The following NPLOC4 variants were observed in gnomAD, a reference collection of about 807,000 sequenced individuals.
NPLOC4 encodes the protein nuclear protein localization protein 4 homolog.
Under a neutral mutation model 80.6 loss-of-function variants are expected in NPLOC4, and 18 were observed. That is an observed-to-expected ratio of 0.22 (90% confidence interval 0.15 to 0.33). The LOEUF (loss-of-function observed/expected upper bound fraction) is 0.33, where lower values mean the gene tolerates loss of function less well. Ranked by LOEUF, NPLOC4 falls within the 10% of genes least tolerant of loss-of-function variation. The probability of loss-of-function intolerance (pLI) is 1.00; values close to 1 mark genes in which losing one functional copy is unlikely to be tolerated. For missense variants in NPLOC4, 540 were observed against 786.1 expected (o/e 0.69, Z 3.74); for synonymous variants, 313 against 301.5 (o/e 1.04, Z -0.39).
intron 1 of NPLOC4, among the ~76,000 whole-genome samples, chr17:81,631,459 T>C (rs1568171144): frequency 1.5e-4 from 10 of 66,984 alleles, no homozygotes; most frequent in South Asian, 6.5e-4. Flanking sequence ...TTTTTTTTTT[T>C]TTTCCCCCAC....
intron 9 of NPLOC4, among the ~76,000 whole-genome samples, chr17:81,598,862 C>T (rs942268933): frequency 1.3e-5 from 2 of 152,200 alleles, no homozygotes; most frequent in African/African-American, 4.8e-5. Flanking sequence ...GGGAGACTTT[C>T]ACTGTCTTTA....
At position 81,588,901 on chromosome 17, in the gene NPLOC4, C is replaced by T. The variant is rs375263256; in HGVS notation, c.1281+43G>A. 389 of 1,571,278 alleles carry T rather than the reference C, an allele frequency of 2.5e-4. 2 individuals carry two copies. The highest frequency in any genetic ancestry group is 2.2e-3 in the South Asian group (191 of 86,368). ...TAGAAAGGTCCAAGACAGGTTCACACCATTCTCCATGTACAGAGTTCTTTT... is the reference window on the plus strand; with the variant it reads ...TAGAAAGGTCCAAGACAGGTTCACATCATTCTCCATGTACAGAGTTCTTTT... On this transcript the variant is annotated intron_variant, in intron 12 of 16. Coordinates refer to ENST00000331134, the MANE Select transcript of NPLOC4 (RefSeq NM_017921.4).
chr17:81,626,193 G>C (rs11869692), intron 2 of NPLOC4, among the ~76,000 whole-genome samples: 1 of 150,898 alleles, frequency 6.6e-6, no homozygotes, highest in Non-Finnish European at 1.5e-5. Flanking sequence ...GCACGTGCCT[G>C]TAATCTCAGT....
Position 81,622,268 on chromosome 17 carries a change from T to G in NPLOC4, c.107A>C (p.Glu36Ala), listed in dbSNP as rs2035690199. ...AATFLKKVAKEFGFQNNGFSV... is the reference protein window; with the variant it reads ...AATFLKKVAKAFGFQNNGFSV... ...GAAGCCATTATTTTGGAAGCCAAAC[T>G]CCTTTGCAACCTAAAACAAGGCCCA... The change falls in exon 3 of 17, where the codon GAG becomes GCG. Residue 36 changes from glutamate to alanine, a missense_variant. Around this residue, in one of 6 missense-constraint regions of NPLOC4, gnomAD observed 62 missense variants for 84.4 expected, o/e 0.73. Transcript: ENST00000331134. 2 of 1,613,094 alleles carry G rather than the reference T, an allele frequency of 1.2e-6. No individual in the cohort carries two copies. Among genetic ancestry groups the G allele is most frequent in the African/African-American group, 1.3e-5 (1 of 74,904 alleles).
intron 1 of NPLOC4, among the ~76,000 whole-genome samples, chr17:81,633,860 C>A (rs140009289): frequency 6.9e-6 from 1 of 145,370 alleles, no homozygotes; most frequent in Non-Finnish European, 1.5e-5. Context: ...CGCCCGCCAC[C>A]GCGCCCAGCT....
At position 81,559,156 on chromosome 17, in the gene NPLOC4, G is replaced by C; in HGVS notation, c.*103C>G. On this transcript the variant is annotated 3_prime_UTR_variant, in exon 17 of 17. Transcript: ENST00000331134. ...GACAGCCAGCCCCTTGTTCCTCCAG[G>C]GCTGCCCACTATGGGGCAGTTACAG... 2 of 1,310,342 alleles carry C rather than the reference G, an allele frequency of 1.5e-6. No homozygotes were observed. The highest frequency in any genetic ancestry group is 1.5e-5 in the South Asian group (1 of 66,566). 81.2% of individuals were successfully genotyped at this position (1,310,342 alleles called of 1,614,324 possible).
chr17:81,563,523 TCACTCCACTG>T, intron 16 of NPLOC4: 1 of 180,238 alleles, frequency 5.5e-6, no homozygotes, highest in South Asian at 9.4e-5. Context: ...TGAGCTATGA[TCACTCCACTG>T]CACTCCAGCC....
chr17:81,586,077 G>A (rs1285112535), intron 12 of NPLOC4, among the ~76,000 whole-genome samples: 1 of 152,164 alleles, frequency 6.6e-6, no homozygotes, highest in Non-Finnish European at 1.5e-5. Context: ...TTGAGATCAG[G>A]AGTTCGAGAC....
chr17:81,602,851 G>T (rs1156351850), intron 8 of NPLOC4, among the ~76,000 whole-genome samples: 1 of 151,724 alleles, frequency 6.6e-6, no homozygotes, highest in African/African-American at 2.4e-5. Context: ...ACAAGCCTGG[G>T]TAACATGGCG....
chr17:81,603,711 T>A (rs1287121262), intron 8 of NPLOC4, among the ~76,000 whole-genome samples: 1 of 152,228 alleles, frequency 6.6e-6, no homozygotes, highest in African/African-American at 2.4e-5. Flanking sequence ...CTATGCACTA[T>A]CTGTCCCTCT....
intron 1 of NPLOC4, among the ~76,000 whole-genome samples, chr17:81,634,383 A>C (rs1394051285): frequency 1.3e-5 from 2 of 152,044 alleles, no homozygotes; most frequent in African/African-American, 4.8e-5. Context: ...TTAATTCCTC[A>C]CAATCTGAGA....
chr17:81,610,198 A>G lies in NPLOC4; in HGVS notation c.435+12T>C. On this transcript the variant is annotated intron_variant, in intron 5 of 16. Coordinates refer to ENST00000331134, the MANE Select transcript of NPLOC4 (RefSeq NM_017921.4). The stretch of plus-strand genomic sequence containing the variant: ...CACACTGGCCCAGAACTTACTCCGC[A>G]GAGACTCTCACCTCTAGAGGGACGC... 6.4e-7 allele frequency: 1 copy of G among 1,568,458 alleles called. No individual in the cohort carries two copies. Among genetic ancestry groups the G allele is most frequent in the South Asian group, 1.2e-5 (1 of 84,840 alleles).
In NPLOC4 at chr17:81,595,018, C is replaced by T. The variant is rs150039814; in HGVS notation, c.1120+1098G>A. On this transcript the variant is annotated intron_variant, in intron 11 of 16. Transcript: ENST00000331134. The stretch of plus-strand genomic sequence containing the variant: ...AATATGCAGCAAAGTGCAAAAACTT[C>T]GCAGTCAGCTTGAACACTTTTCTTT... Among the ~76,000 whole-genome samples, 18 of 151,708 alleles carry T rather than the reference C, an allele frequency of 1.2e-4. 2 individuals carry two copies. The East Asian group carries it at 3.3e-3, about 28-fold the overall frequency.
At chr17:81,602,958 T>TATATAC (rs1242662137) in intron 8 of NPLOC4, among the ~76,000 whole-genome samples, 1 of 141,122 alleles carries the variant, frequency 7.1e-6, no homozygotes, top group African/African-American at 2.7e-5. Flanking sequence ...CACATATATA[T>TATATAC]ACACACATAT....
Position 81,597,320 on chromosome 17 carries a change from A to T in NPLOC4, c.922-4T>A, listed in dbSNP as rs1375547641. ...GGTCTGTAAATATCCAGCCAACCTTAAAAAAAGGAAAGTAGCTTTTAAACA... is the reference window on the plus strand; with the variant it reads ...GGTCTGTAAATATCCAGCCAACCTTTAAAAAAGGAAAGTAGCTTTTAAACA... On this transcript the variant is annotated splice_polypyrimidine_tract_variant and splice_region_variant and intron_variant, in intron 9 of 16. Transcript: ENST00000331134. 2 of 1,609,414 alleles carry T rather than the reference A, an allele frequency of 1.2e-6. No homozygotes were observed. The highest frequency in any genetic ancestry group is 2.7e-5 in the African/African-American group (2 of 74,770).
intron 1 of NPLOC4, among the ~76,000 whole-genome samples, chr17:81,632,635 A>C (rs1291595307): frequency 3.9e-5 from 6 of 151,962 alleles, no homozygotes; most frequent in Admixed American, 3.9e-4. Context: ...CTTTTTCATA[A>C]ATTCTATAAC....
Position 81,576,475 on chromosome 17 carries a change from G to A in NPLOC4, c.1282-4387C>T, listed in dbSNP as rs561634958. On this transcript the variant is annotated intron_variant, in intron 12 of 16. Transcript: ENST00000331134. ...GATCCACTTTGGGGCGTGAGTGCAT[G>A]TGGACTTGACTATATATGGAGGTCC... is the stretch of plus-strand genomic sequence containing the variant. Among the ~76,000 whole-genome samples the A allele has an allele frequency of 2.0e-5, 3 of 152,312 alleles. No homozygotes were observed. The South Asian group carries it at 6.2e-4, about 32-fold the overall frequency.
At chr17:81,562,664 G>A (rs1264532439) in intron 16 of NPLOC4, 2 of 152,210 alleles carry the variant, frequency 1.3e-5, no homozygotes, top group Non-Finnish European at 2.9e-5. Context: ...TTATTAAAGA[G>A]TTGGCTGGAC....
rs553713227 is a variant in NPLOC4 at position 81,594,571 on chromosome 17, C to T, written c.1120+1545G>A. 3.9e-5 allele frequency among the ~76,000 whole-genome samples: 6 copies of T among 152,000 alleles called. No homozygotes were observed. In the South Asian group the frequency reaches 6.2e-4, roughly 16 times the overall value. ...TGGGCGGATCACGAGGTCAGGAGAT[C>T]GAGACCATCCTGGCTAGCATGGTGA... On this transcript the variant is annotated intron_variant, in intron 11 of 16. Transcript: ENST00000331134.
Sources: gnomAD v4.1 joint callset for allele counts (sites outside exome capture counted in the v4.1 genomes callset) on GRCh38, gnomAD v4.1.1 for gene constraint, gnomAD v4.1.1 regional missense constraint, MANE v1.5 for transcripts, NCBI Gene and HGNC (gene_info 2026-07-23, HGNC 2026-07-21) for gene names.